The following STAC variants were observed in gnomAD, a reference collection of about 807,000 sequenced individuals.
STAC encodes the protein SH3 and cysteine-rich domain-containing protein.
STAC carries 43 observed loss-of-function variants against 48.8 expected under a neutral mutation model. The ratio of observed to expected loss-of-function variants is 0.88; its 90% confidence interval spans 0.69 to 1.14. The LOEUF (loss-of-function observed/expected upper bound fraction) is 1.14, where lower values mean the gene tolerates loss of function less well. Ranked by LOEUF, STAC falls within the 50% of genes most tolerant of loss-of-function variation. STAC has a pLI of 0.00. For missense variants in STAC, 497 were observed against 504.0 expected, an observed-to-expected ratio of 0.99 and a Z score of 0.13; for synonymous variants, 193 against 179.5, an observed-to-expected ratio of 1.07 and a Z score of -0.60.
intron 3 of STAC, 63 bp downstream of exon 3, chr3:36,483,155 G>A: frequency 1.6e-6 from 2 of 1,274,452 alleles, no homozygotes; most frequent in Middle Eastern, 2.0e-4. Context: ...CTGCTGCAGT[G>A]AGATCACCCC....
chr3:36,407,880 G>C (rs566049067), intron 1 of STAC, among the ~76,000 whole-genome samples: 2 of 152,336 alleles, frequency 1.3e-5, no homozygotes, highest in South Asian at 4.1e-4. Flanking sequence ...GAATTGAGGT[G>C]TCAGGATTTC....
chr3:36,488,228 C>T (rs2125703231), intron 5 of STAC, among the ~76,000 whole-genome samples: 1 of 152,274 alleles, frequency 6.6e-6, no homozygotes, highest in East Asian at 1.9e-4. Flanking sequence ...CCACTGCACC[C>T]AGCTGTTTCA....
chr3:36,473,312 A>G (rs1697393913), intron 2 of STAC, among the ~76,000 whole-genome samples: 1 of 152,136 alleles, frequency 6.6e-6, no homozygotes, highest in South Asian at 2.1e-4. Flanking sequence ...CAAACCATAT[A>G]GCCTGTGCTT....
chr3:36,383,676 A>G (rs1452245309), intron 1 of STAC, among the ~76,000 whole-genome samples: 1 of 152,260 alleles, frequency 6.6e-6, no homozygotes, highest in African/African-American at 2.4e-5. Context: ...TAGTCTTTGG[A>G]AAATCTGTGA....
intron 1 of STAC, among the ~76,000 whole-genome samples, chr3:36,406,976 A>C (rs973473012): frequency 6.6e-6 from 1 of 152,246 alleles, no homozygotes; most frequent in African/African-American, 2.4e-5. Flanking sequence ...CTCAAAAGGT[A>C]TGATCTTGGG....
chr3:36,491,245 C>T (rs1697958267), intron 5 of STAC, among the ~76,000 whole-genome samples: 2 of 152,170 alleles, frequency 1.3e-5, no homozygotes, highest in Admixed American at 1.3e-4. Flanking sequence ...TCTTCCAAGG[C>T]TGCCGAGGCA....
intron 6 of STAC, among the ~76,000 whole-genome samples, chr3:36,497,948 G>C (rs1023574599): frequency 6.6e-6 from 1 of 152,082 alleles, no homozygotes; most frequent in Admixed American, 6.5e-5. Context: ...ACCCTCTCTA[G>C]AGGAAGAAAA....
intron 5 of STAC, among the ~76,000 whole-genome samples, chr3:36,490,789 T>A (rs541641253): frequency 2.6e-5 from 4 of 152,210 alleles, no homozygotes; most frequent in African/African-American, 9.6e-5. Context: ...ATTGGGGATG[T>A]CCCAGTTTGC....
At chr3:36,458,048 T>A (rs891195095) in intron 2 of STAC, among the ~76,000 whole-genome samples, 10 of 152,134 alleles carry the variant, frequency 6.6e-5, no homozygotes, top group African/African-American at 2.4e-4. Flanking sequence ...TTGGAAAAGA[T>A]GTAGTAGAGC....
intron 8 of STAC, among the ~76,000 whole-genome samples, chr3:36,520,022 T>C (rs1384102225): frequency 1.3e-5 from 2 of 152,178 alleles, no homozygotes; most frequent in African/African-American, 4.8e-5. Context: ...TCAAAGGCAT[T>C]GAAAAAGGGG....
At chr3:36,484,946 T>C (rs745640865) in intron 3 of STAC, 31 bp from the exon 4 acceptor site, 2 of 1,563,630 alleles carry the variant, frequency 1.3e-6, no homozygotes, top group Admixed American at 3.7e-5. Flanking sequence ...CCAGTGACAT[T>C]AACCCCTTGC....
At chr3:36,431,128 G>A (rs1700690072) in intron 1 of STAC, among the ~76,000 whole-genome samples, 1 of 152,164 alleles carries the variant, frequency 6.6e-6, no homozygotes, top group African/African-American at 2.4e-5. Flanking sequence ...AGAACTACTT[G>A]ATGTATCAAT....
At chr3:36,395,668 A>G (rs1699842978) in intron 1 of STAC, among the ~76,000 whole-genome samples, 1 of 152,228 alleles carries the variant, frequency 6.6e-6, no homozygotes, top group African/African-American at 2.4e-5. Context: ...CAGTTAGAAG[A>G]TAAGAAGCAG....
At chr3:36,488,274 T>C (rs911453985) in intron 5 of STAC, among the ~76,000 whole-genome samples, 4 of 152,182 alleles carry the variant, frequency 2.6e-5, no homozygotes, top group Non-Finnish European at 5.9e-5. Flanking sequence ...AGTGTTTTCT[T>C]TGAACCTGAA....
chr3:36,439,913 C>A (rs761600792), intron 1 of STAC, among the ~76,000 whole-genome samples: 1 of 152,212 alleles, frequency 6.6e-6, no homozygotes, highest in Non-Finnish European at 1.5e-5. Context: ...CAGCAACAAG[C>A]AACTCCACAA....
intron 1 of STAC, among the ~76,000 whole-genome samples, chr3:36,389,333 T>G (rs1324250769): frequency 6.6e-6 from 1 of 152,180 alleles, no homozygotes; most frequent in African/African-American, 2.4e-5. Flanking sequence ...GATGGAATCC[T>G]GTAGCTGTGT....
At chr3:36,485,434 C>T (rs977175539) in intron 4 of STAC, among the ~76,000 whole-genome samples, 2 of 152,168 alleles carry the variant, frequency 1.3e-5, no homozygotes, top group African/African-American at 4.8e-5. Flanking sequence ...TCAACCCCCA[C>T]AAAATGAGAA....
At chr3:36,422,421 T>A (rs996099181) in intron 1 of STAC, among the ~76,000 whole-genome samples, 9 of 152,194 alleles carry the variant, frequency 5.9e-5, no homozygotes, top group Non-Finnish European at 1.2e-4. Context: ...CAATAAATGC[T>A]GGCCATTGTC....
At chr3:36,456,815 A>C (rs1278095020) in intron 2 of STAC, among the ~76,000 whole-genome samples, 2 of 152,072 alleles carry the variant, frequency 1.3e-5, no homozygotes, top group East Asian at 3.9e-4. Flanking sequence ...CTTTTCTCTC[A>C]TTGGCACCCA....
Sources: gnomAD v4.1 joint callset for allele counts (sites outside exome capture counted in the v4.1 genomes callset) on GRCh38, gnomAD v4.1.1 for gene constraint, MANE v1.5 for transcripts, NCBI Gene and HGNC (gene_info 2026-07-23, HGNC 2026-07-21) for gene names.